ARMC12: variants seen among roughly 807,000 people sequenced by gnomAD.
ARMC12 encodes the protein armadillo repeat-containing protein 12.
In ARMC12, 25 loss-of-function variants were observed where a neutral mutation model predicts 37.4. The ratio of observed to expected loss-of-function variants is 0.67; its 90% CI spans 0.49 to 0.93. The LOEUF (loss-of-function observed/expected upper bound fraction) is 0.93, where lower values mean the gene tolerates loss of function less well. Ranked by LOEUF, ARMC12 falls within the 40% of genes least tolerant of loss-of-function variation. The pLI is 0.00. For missense variants in ARMC12, 384 were observed against 426.6 expected (o/e 0.90, Z 0.88); for synonymous variants, 167 against 176.1 (o/e 0.95, Z 0.41).
chr6:35,745,009 T>C (rs1767294425), intron 3 of ARMC12, among the ~76,000 whole-genome samples: 1 of 152,242 alleles, frequency 6.6e-6, no homozygotes, highest in Non-Finnish European at 1.5e-5. Flanking sequence ...GGATCTTTCA[T>C]ATATTGCTGG....
chr6:35,743,065 G>A (rs1049722292), intron 3 of ARMC12, among the ~76,000 whole-genome samples: 3 of 152,118 alleles, frequency 2.0e-5, no homozygotes, highest in South Asian at 2.1e-4. Flanking sequence ...GGGTCGCCAC[G>A]GCTTTTGAGG....
Position 35,737,092 on chromosome 6 carries a change from A to G in ARMC12, c.-17A>G. 1 of 1,613,506 alleles carries G rather than the reference A, an allele frequency of 6.2e-7. No homozygotes were observed. The highest frequency in any genetic ancestry group is 8.5e-7 in the Non-Finnish European group (1 of 1,179,624). On this transcript the variant is annotated 5_prime_UTR_variant, in exon 1 of 6. Transcript: ENST00000373866. ...TTGGGCCTAGCTCTCACCTGGGCCC[A>G]GGGCAACACTGAAGACATGGGCAAG...
upstream of ARMC12, chr6:35,735,139 C>T (rs1047898963): frequency 1.3e-5 from 2 of 152,230 alleles, no homozygotes; most frequent in African/African-American, 4.8e-5. The surrounding 1 kb of genome is among the most constrained non-coding windows in gnomAD (Gnocchi z 4.0). Flanking sequence ...GCCAGTAACT[C>T]TGGGTCCCAC....
At position 35,748,618 on chromosome 6, in the gene ARMC12, G is replaced by T; in HGVS notation, c.771G>T (p.Arg257=). 3 of 1,607,022 alleles carry T rather than the reference G, an allele frequency of 1.9e-6. No homozygotes were observed. The highest frequency in any genetic ancestry group is 2.6e-6 in the Non-Finnish European group (3 of 1,175,888). The part of the protein sequence containing the change: ...LLYEVLVFAE[R]LSEGRNAPHY... ...ATGAGGTACTGGTGTTTGCTGAGCG[G>T]CTGAGTGAGGGCCGGAACGCACCCC... The change falls in exon 6 of 6, where the codon CGG becomes CGT. Residue 257 remains arginine, a synonymous_variant. Coordinates refer to ENST00000373866, the MANE Select transcript of ARMC12 (RefSeq NM_001286574.2).
At chr6:35,746,710 G>T (rs1426871618) in intron 3 of ARMC12, among the ~76,000 whole-genome samples, 1 of 152,160 alleles carries the variant, frequency 6.6e-6, no homozygotes, top group African/African-American at 2.4e-5. Flanking sequence ...AAAGGAGTGT[G>T]AGAGAAAGAA....
chr6:35,734,221 A>T (rs1766900334), upstream of ARMC12, among the ~76,000 whole-genome samples: 1 of 152,070 alleles, frequency 6.6e-6, no homozygotes, highest in Admixed American at 6.5e-5. Flanking sequence ...GTGCAGTGGC[A>T]TGATCTCGGC....
At chr6:35,736,515 C>A (rs898197811), upstream of ARMC12, among the ~76,000 whole-genome samples, 4 of 152,248 alleles carry the variant, frequency 2.6e-5, no homozygotes, top group East Asian at 1.9e-4. Flanking sequence ...TGGGGTCCCC[C>A]CTTAAAGAAG....
chr6:35,739,858 G>C (rs2151038552), intron 3 of ARMC12, among the ~76,000 whole-genome samples: 1 of 152,308 alleles, frequency 6.6e-6, no homozygotes, highest in African/African-American at 2.4e-5. Context: ...TTATTATGTA[G>C]TCTTGATGAA....
Position 35,737,238 on chromosome 6 carries a change from C to T in ARMC12, c.130C>T (p.Pro44Ser). 1.9e-6 allele frequency: 3 copies of T among 1,614,260 alleles called. No individual in the cohort carries two copies. Among genetic ancestry groups the T allele is most frequent in the Non-Finnish European group, 2.5e-6 (3 of 1,180,046 alleles). ...CAAGGCTGGCATAAAATGCAAACCA[C>T]CCCTCTGTAGCAACTCACCCATCTG... Reference protein sequence around the residue: ...AIKAGIKCKPPLCSNSPICIA... With the variant: ...AIKAGIKCKPSLCSNSPICIA... The change falls in exon 1 of 6, where the codon CCC becomes TCC. Residue 44 changes from proline to serine, a missense_variant. Pro to Ser is a moderately conservative substitution (Grantham distance 74). Coordinates refer to ENST00000373866, the MANE Select transcript of ARMC12 (RefSeq NM_001286574.2).
upstream of ARMC12, among the ~76,000 whole-genome samples, chr6:35,732,906 G>T (rs1241428039): frequency 6.6e-6 from 1 of 152,230 alleles, no homozygotes; most frequent in Non-Finnish European, 1.5e-5. Flanking sequence ...TGGTGTGGTG[G>T]CGTAAGCCTG....
upstream of ARMC12, among the ~76,000 whole-genome samples, chr6:35,734,708 G>A (rs865797686): frequency 3.3e-5 from 5 of 151,818 alleles, no homozygotes; most frequent in South Asian, 2.1e-4. Flanking sequence ...AGGCTGAGGC[G>A]AGAGGATTGC....
intron 3 of ARMC12, among the ~76,000 whole-genome samples, chr6:35,739,054 T>C (rs1255944206): frequency 6.6e-6 from 1 of 152,090 alleles, no homozygotes. Flanking sequence ...ACTGGTTTTT[T>C]ATATAAAGGA....
upstream of ARMC12, among the ~76,000 whole-genome samples, chr6:35,736,138 T>C (rs144741554): frequency 9.7e-4 from 147 of 152,320 alleles, no homozygotes; most frequent in East Asian, 0.02. Flanking sequence ...AAGTACAAGA[T>C]TCTATGCTGG....
intron 3 of ARMC12, among the ~76,000 whole-genome samples, chr6:35,746,805 G>A (rs1398998345): frequency 6.6e-6 from 1 of 152,112 alleles, no homozygotes; most frequent in Non-Finnish European, 1.5e-5. Context: ...TATAGAAGGA[G>A]CAGGTCTGGG....
At chr6:35,745,204 A>G (rs1005372140) in intron 3 of ARMC12, among the ~76,000 whole-genome samples, 1 of 152,242 alleles carries the variant, frequency 6.6e-6, no homozygotes, top group African/African-American at 2.4e-5. Flanking sequence ...GAATAGCCCC[A>G]AACTGGAAAC....
chr6:35,732,440 A>G (rs1319563669), upstream of ARMC12, among the ~76,000 whole-genome samples: 1 of 152,232 alleles, frequency 6.6e-6, no homozygotes, highest in African/African-American at 2.4e-5. Flanking sequence ...AGAGGAGGAA[A>G]CAGACTCAGA....
At position 35,747,342 on chromosome 6, in the gene ARMC12, A is replaced by T; in HGVS notation, c.526A>T (p.Asn176Tyr). 1 of 1,614,100 alleles carries T rather than the reference A, an allele frequency of 6.2e-7. No homozygotes were observed. The stretch of plus-strand genomic sequence containing the variant: ...CATTGCGGGCCTCAGACTCCTCAAC[A>T]ACCTTCCACTGCCCGACTATGTGCA... ...LHIAGLRLLNNLPLPDYVHPQ... is the reference protein window; with the variant it reads ...LHIAGLRLLNYLPLPDYVHPQ... Residue 176 changes from asparagine (N) to tyrosine (Y), a missense_variant, in exon 4 of 6, where the codon AAC becomes TAC. Transcript: ENST00000373866.
chr6:35,731,649 G>C, the ARMC12 span, among the ~76,000 whole-genome samples: 1 of 152,084 alleles, frequency 6.6e-6, no homozygotes, highest in African/African-American at 2.4e-5. Flanking sequence ...CCGCCTGGCC[G>C]CCCTTCTCGG....
At chr6:35,745,632 C>T (rs1767313627) in intron 3 of ARMC12, among the ~76,000 whole-genome samples, 1 of 152,180 alleles carries the variant, frequency 6.6e-6, no homozygotes, top group Admixed American at 6.5e-5. Flanking sequence ...TACACCAACA[C>T]CAATTTCCTA....
Sources: gnomAD v4.1 joint callset for allele counts (sites outside exome capture counted in the v4.1 genomes callset) on GRCh38, gnomAD v4.1.1 for gene constraint, Gnocchi (gnomAD v3.1) non-coding constraint, MANE v1.5 for transcripts, NCBI Gene and HGNC (gene_info 2026-07-23, HGNC 2026-07-21) for gene names.